The following ABCC9 variants were observed in gnomAD, a reference collection of about 807,000 sequenced individuals.
ABCC9 encodes ATP-binding cassette sub-family C member 9.
A neutral mutation model predicts 188.3 loss-of-function variants in ABCC9; 95 were observed. The ratio of observed to expected loss-of-function variants is 0.50; its 90% CI spans 0.43 to 0.60. The LOEUF is 0.60. Among genes scored for constraint, ABCC9 ranks in the 20% least tolerant of loss-of-function variants. The probability of loss-of-function intolerance (pLI) is 0.00; values close to 1 mark genes in which losing one functional copy is unlikely to be tolerated. For synonymous variants in ABCC9, 659 were observed against 652.7 expected, an observed-to-expected ratio of 1.01 and a Z score of -0.15; for missense variants, 1,102 against 1,876.3, an observed-to-expected ratio of 0.59 and a Z score of 7.62.
chr12:21,839,211 A>T (rs1944254823), intron 29 of ABCC9, among the ~76,000 whole-genome samples: 1 of 152,194 alleles, frequency 6.6e-6, no homozygotes, highest in African/African-American at 2.4e-5. Flanking sequence ...TAAAATAGGA[A>T]GTAGGGGAAT....
chr12:21,827,444 C>T lies in ABCC9; in HGVS notation c.3669+1514G>A, dbSNP rs17631144. 3,015 of 310,702 alleles carry T rather than the reference C, an allele frequency of 9.7e-3. 16 individuals are homozygous for T. The highest frequency in any genetic ancestry group is 0.02 in the South Asian group (161 of 7,884). 19.2% of individuals were successfully genotyped at this position (310,702 alleles called of 1,614,324 possible). ...ACAAAGGTAACTGCTAACATTTCTC[C>T]CTTATGATTTCGGGACATTCTTTCA... On this transcript the variant is annotated intron_variant, in intron 31 of 39. Coordinates refer to ENST00000261200, the MANE Select transcript of ABCC9 (RefSeq NM_020297.4).
At chr12:21,909,437 C>G (rs945117561) in intron 10 of ABCC9, among the ~76,000 whole-genome samples, 3 of 151,740 alleles carry the variant, frequency 2.0e-5, no homozygotes, top group Non-Finnish European at 2.9e-5. Context: ...CTACAGAATG[C>G]AAAACTTGAG....
intron 18 of ABCC9, among the ~76,000 whole-genome samples, chr12:21,871,330 C>T (rs1946063094): frequency 6.6e-6 from 1 of 152,158 alleles, no homozygotes; most frequent in Non-Finnish European, 1.5e-5. Context: ...CAATGTTTCA[C>T]TGAGCTCTCT....
At chr12:21,852,346 A>G (rs1191401203) in intron 23 of ABCC9, 22 bp downstream of exon 23, 2 of 1,613,648 alleles carry the variant, frequency 1.2e-6, no homozygotes, top group Admixed American at 3.3e-5. Flanking sequence ...AAAATGAGCA[A>G]AATTCTCTTC....
chr12:21,801,247 T>C (rs1941412060), intron 39 of ABCC9, 66 bp from the exon 40 acceptor site: 4 of 1,596,066 alleles, frequency 2.5e-6, no homozygotes, highest in Non-Finnish European at 2.6e-6. Context: ...CAATGGAATA[T>C]GTATATTTCA....
chr12:21,861,524 G>A (rs754132020), intron 20 of ABCC9, among the ~76,000 whole-genome samples: 4 of 152,044 alleles, frequency 2.6e-5, no homozygotes, highest in Non-Finnish European at 5.9e-5. Flanking sequence ...GAACCACTAC[G>A]CCCAGCTGGG....
chr12:21,913,218 A>G (rs1281042126), intron 7 of ABCC9, 152 bp from the exon 8 acceptor site: 4 of 668,680 alleles, frequency 6.0e-6, no homozygotes, highest in South Asian at 4.1e-5. Flanking sequence ...TCAGCATAGC[A>G]TGCATAATTC....
rs1442552124 is a variant in ABCC9 at position 21,864,608 on chromosome 12, A to G, written c.2199-131T>C. The G allele has an allele frequency of 5.8e-6, 4 of 690,046 alleles. No homozygotes were observed. The African/African-American group carries it at 7.2e-5, about 12-fold the overall frequency. The allele number at this position is 690,046 out of a possible 1,614,324, so 42.7% of individuals were successfully genotyped here. A position where few individuals can be genotyped will look rare whatever the true frequency, so the allele number is the denominator to read the frequency against. ...GCACATTTCCCAAATGGTTTCTGAT[A>G]TTAATTTCAAAGACAAACCAGATAA... On this transcript the variant is annotated intron_variant, in intron 18 of 39. Coordinates refer to ENST00000261200, the MANE Select transcript of ABCC9 (RefSeq NM_020297.4).
chr12:21,874,929 A>G (rs774282697), intron 17 of ABCC9, among the ~76,000 whole-genome samples: 1 of 151,196 alleles, frequency 6.6e-6, no homozygotes, highest in Non-Finnish European at 1.5e-5. Context: ...TTGTTGTTCA[A>G]TAGTTATTAC....
At chr12:21,926,117 A>AT (rs532776579) in intron 4 of ABCC9, 54 bp from the exon 5 acceptor site, 173 of 1,611,302 alleles carry the variant, frequency 1.1e-4, no homozygotes, top group East Asian at 3.8e-4. Flanking sequence ...ATAATTTCTT[A>AT]TTTTTTTTCA....
chr12:21,807,323 A>C (rs1941926799), intron 38 of ABCC9, 23 bp downstream of exon 38: 2 of 1,613,706 alleles, frequency 1.2e-6, no homozygotes, highest in Non-Finnish European at 1.7e-6. Context: ...CGTCAATTTT[A>C]AAAGCTTAGA....
chr12:21,866,457 T>C (rs1035573818), intron 18 of ABCC9, among the ~76,000 whole-genome samples: 3 of 152,146 alleles, frequency 2.0e-5, no homozygotes, highest in African/African-American at 7.2e-5. Context: ...ACTGTACTTC[T>C]TCCTAGTCTT....
chr12:21,867,218 C>T (rs555935183), intron 18 of ABCC9, among the ~76,000 whole-genome samples: 15 of 152,124 alleles, frequency 9.9e-5, no homozygotes, highest in Admixed American at 5.9e-4. Flanking sequence ...CTACCTATTC[C>T]GGCCCTCTCA....
intron 4 of ABCC9, among the ~76,000 whole-genome samples, chr12:21,930,983 A>G (rs372264780): frequency 6.6e-6 from 1 of 152,186 alleles, no homozygotes; most frequent in African/African-American, 2.4e-5. Flanking sequence ...AAATTAGTTC[A>G]TATTTTTTAA....
At chr12:21,923,573 G>A (rs1026091970) in intron 5 of ABCC9, 9 of 377,300 alleles carry the variant, frequency 2.4e-5, no homozygotes, top group South Asian at 7.4e-5. Context: ...AATTAAAACC[G>A]CAATGTATTA....
chr12:21,862,450 C>G (rs1013676307), intron 20 of ABCC9, among the ~76,000 whole-genome samples: 1 of 152,072 alleles, frequency 6.6e-6, no homozygotes, highest in African/African-American at 2.4e-5. Flanking sequence ...GCTTATGGTC[C>G]TAAGACCCAC....
chr12:21,934,073 C>CT, intron 3 of ABCC9, 150 bp from the exon 4 acceptor site: 1 of 724,406 alleles, frequency 1.4e-6, no homozygotes, highest in Non-Finnish European at 2.3e-6. Flanking sequence ...AAATCCTAGT[C>CT]TATTTTCATT....
At chr12:21,845,877 T>C in intron 25 of ABCC9, 45 bp from the exon 26 acceptor site, 1 of 1,369,752 alleles carries the variant, frequency 7.3e-7, no homozygotes. Flanking sequence ...GGGCACCGGC[T>C]AGATATAATT....
At chr12:21,874,061 A>G (rs1946213367) in intron 17 of ABCC9, among the ~76,000 whole-genome samples, 1 of 152,130 alleles carries the variant, frequency 6.6e-6, no homozygotes, top group Admixed American at 6.5e-5. Context: ...CAGAATGAAA[A>G]GGAGACCTAC....
Sources: allele counts gnomAD v4.1 joint callset (sites outside exome capture counted in the v4.1 genomes callset), GRCh38; gene constraint gnomAD v4.1.1; transcripts MANE v1.5; gene names NCBI Gene and HGNC (gene_info 2026-07-23, HGNC 2026-07-21).